BICRAL: variants seen among roughly 807,000 people sequenced by gnomAD.
BICRAL encodes the protein BICRA like chromatin remodeling complex associated protein.
In BICRAL, 8 loss-of-function variants were observed where a neutral mutation model predicts 91.8. That is an observed-to-expected ratio of 0.09 (90% CI 0.05 to 0.16). BICRAL has a LOEUF of 0.16. BICRAL is among the 10% of genes least tolerant of loss of function. BICRAL has a pLI of 1.00. For missense variants in BICRAL, 1,038 were observed against 1,310.9 expected, an observed-to-expected ratio of 0.79 and a Z score of 3.21; for synonymous variants, 445 against 491.1, an observed-to-expected ratio of 0.91 and a Z score of 1.24.
intron 7 of BICRAL, among the ~76,000 whole-genome samples, chr6:42,853,254 G>A (rs1366537726): frequency 6.6e-6 from 1 of 150,942 alleles, no homozygotes; most frequent in Non-Finnish European, 1.5e-5. Flanking sequence ...AAAAAGGCAA[G>A]AAAGAGAAAA....
At chr6:42,817,260 C>A (rs1764020771) in intron 2 of BICRAL, among the ~76,000 whole-genome samples, 1 of 150,994 alleles carries the variant, frequency 6.6e-6, no homozygotes, top group South Asian at 2.1e-4. Context: ...TTTAATTGAC[C>A]ATATATCCTA....
At chr6:42,794,102 A>C (rs1643200339) in intron 1 of BICRAL, among the ~76,000 whole-genome samples, 1 of 151,626 alleles carries the variant, frequency 6.6e-6, no homozygotes, top group Non-Finnish European at 1.5e-5. Flanking sequence ...CTGGTCTTGA[A>C]CTCCTGAGCT....
rs1384612471 is a variant in BICRAL at position 42,867,589 on chromosome 6, T to C, written c.*2143T>C. 2 of 152,488 alleles carry C rather than the reference T, an allele frequency of 1.3e-5. No individual in the cohort carries two copies. Among genetic ancestry groups the C allele is most frequent in the South Asian group, 4.1e-4 (2 of 4,834 alleles). The allele number at this position is 152,488 out of a possible 1,614,324, so 9.4% of individuals were successfully genotyped here. A position where few individuals can be genotyped will look rare whatever the true frequency, so the allele number is the denominator to read the frequency against. On this transcript the variant is annotated 3_prime_UTR_variant, in exon 13 of 13. Transcript: ENST00000314073. ...TCAAATTCTTCTCATTGCAGAACTT[T>C]ATCCCTGGAAGCCTTCATGTGGGCT...
At chr6:42,760,981 C>A (rs1292978600) in intron 1 of BICRAL, among the ~76,000 whole-genome samples, 1 of 147,154 alleles carries the variant, frequency 6.8e-6, no homozygotes, top group East Asian at 2.0e-4. Flanking sequence ...GAGATCACGC[C>A]ACTGCATTTC....
intron 6 of BICRAL, among the ~76,000 whole-genome samples, chr6:42,850,605 G>A (rs932631650): frequency 6.6e-6 from 1 of 152,012 alleles, no homozygotes; most frequent in African/African-American, 2.4e-5. Context: ...CTGAGGGTAG[G>A]TAGGGCACGG....
intron 1 of BICRAL, among the ~76,000 whole-genome samples, chr6:42,750,275 C>T (rs1762355497): frequency 6.6e-6 from 1 of 152,040 alleles, no homozygotes; most frequent in African/African-American, 2.4e-5. Flanking sequence ...ATCCTTCCAC[C>T]TTAGCCTCCT....
chr6:42,788,514 G>A (rs571194833), intron 1 of BICRAL, among the ~76,000 whole-genome samples: 1 of 151,964 alleles, frequency 6.6e-6, no homozygotes, highest in African/African-American at 2.4e-5. Flanking sequence ...GAGCCACCAT[G>A]CCTGGCCGGG....
upstream of BICRAL, among the ~76,000 whole-genome samples, chr6:42,779,224 AC>A (rs1261093257): frequency 0.019 from 45 of 2,416 alleles, no homozygotes; most frequent in East Asian, 0.042. Flanking sequence ...CTCAAGAAAA[AC>A]ACACACACAC....
At chr6:42,813,309 G>A (rs553548915) in intron 2 of BICRAL, among the ~76,000 whole-genome samples, 65 of 152,160 alleles carry the variant, frequency 4.3e-4, no homozygotes, top group Admixed American at 2.1e-3. Flanking sequence ...CTTAAAACCA[G>A]TGGTAAAGAG....
chr6:42,787,351 A>G (rs778162560), intron 1 of BICRAL, among the ~76,000 whole-genome samples: 1 of 152,268 alleles, frequency 6.6e-6, no homozygotes. Context: ...CGGAGAGTTA[A>G]GTAGGCACTG....
chr6:42,822,718 A>G, intron 3 of BICRAL, 78 bp from the exon 4 acceptor site: 1 of 734,778 alleles, frequency 1.4e-6, no homozygotes, highest in Non-Finnish European at 2.3e-6. Context: ...TTTTCTTTCT[A>G]CTCTAGTAAA....
At chr6:42,801,249 TAAAAAA>T (rs386406867) in intron 1 of BICRAL, among the ~76,000 whole-genome samples, 2 of 134,494 alleles carry the variant, frequency 1.5e-5, no homozygotes, top group African/African-American at 5.6e-5. Context: ...AGACTCTGTT[TAAAAAA>T]AAAAAAAAAA....
chr6:42,775,569 TAACCTGATGGCTGTCCTCCCCTC>T (rs1189430087), intron 1 of BICRAL, among the ~76,000 whole-genome samples: 1 of 152,170 alleles, frequency 6.6e-6, no homozygotes, highest in South Asian at 2.1e-4. Flanking sequence ...GGTGCCCCCC[TAACCTGATGGCTGTCCTCCCCTC>T]AACATATTCT....
chr6:42,771,509 G>GGGGGGGGGGGGGGGGGGGGA (rs577003249), intron 1 of BICRAL, among the ~76,000 whole-genome samples: 1 of 140,814 alleles, frequency 7.1e-6, no homozygotes, highest in African/African-American at 2.6e-5. Context: ...TGGTGGGGGG[G>GGGGGGGGGGGGGGGGGGGGA]TCCTGTCTGA....
At chr6:42,839,219 G>A (rs1764720234) in intron 6 of BICRAL, among the ~76,000 whole-genome samples, 1 of 152,104 alleles carries the variant, frequency 6.6e-6, no homozygotes, top group South Asian at 2.1e-4. Flanking sequence ...AAAAAAAAGA[G>A]CTTTTTCTTC....
intron 1 of BICRAL, 109 bp downstream of exon 1, chr6:42,782,210 G>C (rs2113859128): frequency 6.6e-6 from 1 of 150,638 alleles, no homozygotes; most frequent in Non-Finnish European, 1.5e-5. Flanking sequence ...GGGGAAAAGC[G>C]AGGGAGGGGG....
intron 10 of BICRAL, among the ~76,000 whole-genome samples, chr6:42,857,618 T>A (rs868015571): frequency 0.01 from 982 of 93,918 alleles, 20 homozygotes; most frequent in African/African-American, 0.043. Context: ...AAAAAAAATA[T>A]ATATATATAT....
chr6:42,785,631 T>C (rs1444052040), intron 1 of BICRAL, among the ~76,000 whole-genome samples: 1 of 151,930 alleles, frequency 6.6e-6, no homozygotes, highest in Non-Finnish European at 1.5e-5. Context: ...AAGACCCTGA[T>C]ATAAAGACCT....
At chr6:42,831,578 A>G (rs1485443878) in intron 6 of BICRAL, among the ~76,000 whole-genome samples, 4 of 152,080 alleles carry the variant, frequency 2.6e-5, no homozygotes, top group African/African-American at 9.7e-5. Flanking sequence ...GTTCCCACTC[A>G]TTCTGAGCAT....
Sources: allele counts gnomAD v4.1 joint callset (sites outside exome capture counted in the v4.1 genomes callset), GRCh38; gene constraint gnomAD v4.1.1; transcripts MANE v1.5; gene names NCBI Gene and HGNC (gene_info 2026-07-23, HGNC 2026-07-21).